ANO2: variants seen among roughly 807,000 people sequenced by gnomAD.
ANO2 encodes anoctamin-2.
Under a neutral mutation model 124.2 loss-of-function variants are expected in ANO2, and 101 were observed. The observed-to-expected ratio is 0.81, with a 90% CI of 0.69 to 0.96. ANO2 has a LOEUF of 0.96. ANO2 is among the 40% of genes least tolerant of loss of function. The pLI is 0.00. For synonymous variants in ANO2, 486 were observed against 482.5 expected, an observed-to-expected ratio of 1.01 and a Z score of -0.09; for missense variants, 1,293 against 1,274.5, an observed-to-expected ratio of 1.01 and a Z score of -0.22.
intron 7 of ANO2, among the ~76,000 whole-genome samples, chr12:5,820,962 T>C (rs1336024176): frequency 6.6e-6 from 1 of 152,244 alleles, no homozygotes; most frequent in Non-Finnish European, 1.5e-5. Context: ...GCAATTTCCC[T>C]TCAGCTGGCA....
At chr12:5,861,875 G>A (rs1955281260) in intron 3 of ANO2, among the ~76,000 whole-genome samples, 1 of 152,164 alleles carries the variant, frequency 6.6e-6, no homozygotes, top group African/African-American at 2.4e-5. Flanking sequence ...GGCCAGGGCA[G>A]CCATCGTCAC....
intron 3 of ANO2, among the ~76,000 whole-genome samples, chr12:5,917,233 G>A (rs1591789452): frequency 6.6e-6 from 1 of 152,144 alleles, no homozygotes; most frequent in African/African-American, 2.4e-5. Context: ...GTGGGGAGAC[G>A]GGGGCAGCCA....
intron 14 of ANO2, among the ~76,000 whole-genome samples, chr12:5,729,976 T>A (rs925852056): frequency 1.3e-5 from 2 of 152,240 alleles, no homozygotes; most frequent in Admixed American, 6.5e-5. Context: ...GAAAGTAGAT[T>A]AGTTGTTACC....
chr12:5,799,830 G>A (rs964848599), intron 9 of ANO2, among the ~76,000 whole-genome samples: 5 of 152,058 alleles, frequency 3.3e-5, no homozygotes, highest in African/African-American at 7.2e-5. Context: ...TTATTCCCAC[G>A]TCTTGCCTAG....
At chr12:5,927,990 C>T (rs1051198970) in intron 1 of ANO2, among the ~76,000 whole-genome samples, 63 of 152,098 alleles carry the variant, frequency 4.1e-4, no homozygotes, top group African/African-American at 1.4e-3. Flanking sequence ...AGGGGAAACA[C>T]CAAAGCCAAG....
intron 3 of ANO2, among the ~76,000 whole-genome samples, chr12:5,878,556 C>T (rs1270016372): frequency 6.6e-6 from 1 of 152,200 alleles, no homozygotes; most frequent in Non-Finnish European, 1.5e-5. Flanking sequence ...ATTGATTTTT[C>T]TCTTAAGCTG....
At chr12:5,624,012 G>A (rs1945261819) in intron 16 of ANO2, among the ~76,000 whole-genome samples, 1 of 152,154 alleles carries the variant, frequency 6.6e-6, no homozygotes, top group South Asian at 2.1e-4. Flanking sequence ...ACCTGAGGGA[G>A]CTGAAAGCCC....
At chr12:5,785,577 G>C (rs1335519007) in intron 10 of ANO2, among the ~76,000 whole-genome samples, 1 of 152,062 alleles carries the variant, frequency 6.6e-6, no homozygotes, top group Non-Finnish European at 1.5e-5. Flanking sequence ...GCAGATAAGA[G>C]CCCCAGTTAC....
intron 7 of ANO2, among the ~76,000 whole-genome samples, chr12:5,807,935 A>G (rs1953252980): frequency 6.6e-6 from 1 of 152,032 alleles, no homozygotes; most frequent in Non-Finnish European, 1.5e-5. Flanking sequence ...GAGGAAAACT[A>G]TTTTTCTAAC....
intron 16 of ANO2, among the ~76,000 whole-genome samples, chr12:5,623,779 T>C (rs950957261): frequency 2.0e-5 from 3 of 152,206 alleles, no homozygotes; most frequent in Non-Finnish European, 4.4e-5. Flanking sequence ...CAAAAGTGCC[T>C]GCTCTTCCCC....
intron 14 of ANO2, among the ~76,000 whole-genome samples, chr12:5,726,634 G>C (rs1430942082): frequency 6.6e-6 from 1 of 152,144 alleles, no homozygotes; most frequent in Non-Finnish European, 1.5e-5. Flanking sequence ...AAATAATAAA[G>C]GAAATAATAC....
chr12:5,724,425 C>T (rs1950352951), intron 14 of ANO2, among the ~76,000 whole-genome samples: 1 of 152,204 alleles, frequency 6.6e-6, no homozygotes, highest in African/African-American at 2.4e-5. Flanking sequence ...CCATGTCTCC[C>T]TGGGCCCAGA....
At chr12:5,774,734 G>C (rs532572793) in intron 10 of ANO2, among the ~76,000 whole-genome samples, 4 of 152,234 alleles carry the variant, frequency 2.6e-5, no homozygotes, top group African/African-American at 7.2e-5. Context: ...ACAGAGACAG[G>C]CTGTGCCCAT....
At chr12:5,827,379 A>AAT (rs1264007650) in intron 7 of ANO2, among the ~76,000 whole-genome samples, 1 of 152,198 alleles carries the variant, frequency 6.6e-6, no homozygotes, top group Non-Finnish European at 1.5e-5. Flanking sequence ...CTTCTTACAT[A>AAT]ATATGAGAAG....
intron 14 of ANO2, among the ~76,000 whole-genome samples, chr12:5,691,342 A>AC (rs1948933709): frequency 6.9e-6 from 1 of 145,514 alleles, no homozygotes. Flanking sequence ...AAAAAAAAAA[A>AC]AAAAAGAAGA....
chr12:5,664,963 AC>A (rs570979534), intron 14 of ANO2, among the ~76,000 whole-genome samples: 273 of 151,936 alleles, frequency 1.8e-3, no homozygotes, highest in South Asian at 4.2e-3. Context: ...GAGTTCCTTT[AC>A]CCCCTCATCT....
At chr12:5,681,019 T>C (rs10735052) in intron 14 of ANO2, among the ~76,000 whole-genome samples, 76,260 of 151,878 alleles carry the variant, frequency 0.5, 21,093 homozygotes, top group Middle Eastern at 0.63. Context: ...AAGGGGAACA[T>C]GGGTACTAGT....
chr12:5,881,682 A>AC (rs1268310595), intron 3 of ANO2: 1 of 152,014 alleles, frequency 6.6e-6, no homozygotes. Context: ...GGGTTTATGG[A>AC]CCCCCAGCCC....
intron 14 of ANO2, among the ~76,000 whole-genome samples, chr12:5,648,966 G>C (rs998310832): frequency 1.3e-5 from 2 of 152,182 alleles, no homozygotes; most frequent in African/African-American, 4.8e-5. Context: ...TGTAAGTGAA[G>C]GACATTCTTA....
Sources: allele counts gnomAD v4.1 joint callset (sites outside exome capture counted in the v4.1 genomes callset), GRCh38; gene constraint gnomAD v4.1.1; transcripts MANE v1.5; gene names NCBI Gene and HGNC (gene_info 2026-07-23, HGNC 2026-07-21).